Variants in CNTN6 observed in about 807,000 individuals in gnomAD.
CNTN6 encodes the protein contactin 6.
CNTN6 carries 137 observed loss-of-function variants against 122.8 expected under a neutral mutation model. The ratio of observed to expected loss-of-function variants is 1.12; its 90% CI spans 0.97 to 1.29. The LOEUF is 1.29. Among genes scored for constraint, CNTN6 ranks in the 50% most tolerant of loss-of-function variants. The pLI, the probability that CNTN6 is intolerant of heterozygous loss-of-function variation, is 0.00. For synonymous variants in CNTN6, 570 were observed against 426.0 expected (o/e 1.34, Z -4.16); for missense variants, 1,634 against 1,223.4 (o/e 1.34, Z -5.01).
At chr3:1,402,133 A>G (rs1695790967) in intron 21 of CNTN6, among the ~76,000 whole-genome samples, 185 bp from the exon 22 acceptor site, 1 of 152,044 alleles carries the variant, frequency 6.6e-6, no homozygotes. Flanking sequence ...TGGCCAAAAA[A>G]AAAAACACCT....
At chr3:1,331,567 T>C (rs115738757) in intron 11 of CNTN6, among the ~76,000 whole-genome samples, 117 of 152,068 alleles carry the variant, frequency 7.7e-4, no homozygotes, top group African/African-American at 2.6e-3. Context: ...TTTAAATGTT[T>C]CCTCATGCAT....
At chr3:1,257,494 A>G (rs1461807472) in intron 4 of CNTN6, among the ~76,000 whole-genome samples, 1 of 152,026 alleles carries the variant, frequency 6.6e-6, no homozygotes, top group African/African-American at 2.4e-5. Flanking sequence ...CCTTCGATTC[A>G]CCTTGAATTT....
At chr3:1,098,642 A>G (rs1285287309) in intron 1 of CNTN6, among the ~76,000 whole-genome samples, 1 of 151,106 alleles carries the variant, frequency 6.6e-6, no homozygotes, top group Non-Finnish European at 1.5e-5. Flanking sequence ...CTATAAACTC[A>G]ACATCATGTC....
At chr3:1,245,277 AC>A (rs1415451811) in intron 4 of CNTN6, among the ~76,000 whole-genome samples, 53 of 4,606 alleles carry the variant, frequency 0.012, 7 homozygotes, top group African/African-American at 0.019. Context: ...ATATATATAC[AC>A]ACACATATAT....
At chr3:1,217,143 CCT>C (rs2094140680) in intron 2 of CNTN6, among the ~76,000 whole-genome samples, 1 of 152,110 alleles carries the variant, frequency 6.6e-6, no homozygotes, top group Admixed American at 6.5e-5. Context: ...GCTTAAATCC[CCT>C]GAGGCCCATT....
chr3:1,243,246 G>A (rs963218397), intron 4 of CNTN6, among the ~76,000 whole-genome samples: 9 of 152,170 alleles, frequency 5.9e-5, no homozygotes, highest in Non-Finnish European at 1.0e-4. Flanking sequence ...TCCTTGGCCT[G>A]GTGGCCAGAT....
At chr3:1,317,228 A>G (rs1407166851) in intron 7 of CNTN6, among the ~76,000 whole-genome samples, 1 of 149,990 alleles carries the variant, frequency 6.7e-6, no homozygotes, top group Non-Finnish European at 1.5e-5. Context: ...ATTTTTTGAT[A>G]ATTTGTTGTT....
At chr3:1,116,917 C>T (rs907764410) in intron 1 of CNTN6, among the ~76,000 whole-genome samples, 1 of 152,012 alleles carries the variant, frequency 6.6e-6, no homozygotes, top group Non-Finnish European at 1.5e-5. Context: ...GTTGGCTGGG[C>T]TGGTCTTGAA....
chr3:1,222,420 C>T (rs2094219607), intron 3 of CNTN6, among the ~76,000 whole-genome samples: 1 of 152,012 alleles, frequency 6.6e-6, no homozygotes, highest in Non-Finnish European at 1.5e-5. Context: ...ATAAGAATTC[C>T]TATAACATTT....
At chr3:1,183,272 G>A (rs891838219) in intron 2 of CNTN6, among the ~76,000 whole-genome samples, 1 of 151,954 alleles carries the variant, frequency 6.6e-6, no homozygotes, top group Admixed American at 6.6e-5. Flanking sequence ...AAGCTATCAT[G>A]GTTCAAACTC....
chr3:1,219,841 A>G (rs1575290363), intron 2 of CNTN6, among the ~76,000 whole-genome samples: 1 of 151,826 alleles, frequency 6.6e-6, no homozygotes, highest in East Asian at 1.9e-4. Context: ...ATGGTGAAAC[A>G]CCATCTCTAC....
intron 19 of CNTN6, 50 bp from the exon 20 acceptor site, chr3:1,385,561 G>A: frequency 7.0e-7 from 1 of 1,428,010 alleles, no homozygotes; most frequent in Non-Finnish European, 9.6e-7. Flanking sequence ...AAAAATGATT[G>A]ATAGTTATTG....
intron 2 of CNTN6, among the ~76,000 whole-genome samples, chr3:1,152,858 A>G (rs1184954386): frequency 6.6e-6 from 1 of 152,206 alleles, no homozygotes; most frequent in East Asian, 1.9e-4. Context: ...AGTCCTTAAG[A>G]AGAGTGTCAG....
chr3:1,349,397 G>GTTT (rs202125041), intron 11 of CNTN6, among the ~76,000 whole-genome samples: 8 of 149,320 alleles, frequency 5.4e-5, no homozygotes, highest in African/African-American at 1.2e-4. Flanking sequence ...GGCTGTGTGT[G>GTTT]TTTTTTTTTA....
At chr3:1,295,336 AT>A (rs1164750931) in intron 5 of CNTN6, among the ~76,000 whole-genome samples, 1 of 152,130 alleles carries the variant, frequency 6.6e-6, no homozygotes, top group Non-Finnish European at 1.5e-5. Flanking sequence ...TCATCCACTT[AT>A]TTCCATAACA....
chr3:1,298,267 T>C (rs1412120080), intron 7 of CNTN6: 1 of 297,148 alleles, frequency 3.4e-6, no homozygotes, highest in Non-Finnish European at 6.3e-6. Context: ...AGGCAGCACA[T>C]TGCAAGGGAA....
intron 5 of CNTN6, among the ~76,000 whole-genome samples, chr3:1,284,001 A>AAAAG (rs1235551774): frequency 6.6e-6 from 1 of 152,242 alleles, no homozygotes; most frequent in African/African-American, 2.4e-5. Context: ...TTTCATCTCA[A>AAAAG]AAAGCAAACA....
chr3:1,151,291 A>C (rs1369860095), intron 2 of CNTN6, among the ~76,000 whole-genome samples: 1 of 152,184 alleles, frequency 6.6e-6, no homozygotes, highest in African/African-American at 2.4e-5. Flanking sequence ...AATTACCAAA[A>C]GTTAATGTTG....
chr3:1,125,094 T>C (rs1164469671), intron 1 of CNTN6, among the ~76,000 whole-genome samples: 3 of 151,988 alleles, frequency 2.0e-5, no homozygotes, highest in Admixed American at 6.6e-5. Context: ...GGAAATGTGA[T>C]AGTTAAGAAA....
Sources: allele counts gnomAD v4.1 joint callset (sites outside exome capture counted in the v4.1 genomes callset), GRCh38; gene constraint gnomAD v4.1.1; transcripts MANE v1.5; gene names NCBI Gene and HGNC (gene_info 2026-07-23, HGNC 2026-07-21).